The following KCNJ6 variants were observed in gnomAD, a reference collection of about 807,000 sequenced individuals.
KCNJ6 encodes G protein-activated inward rectifier potassium channel 2.
In KCNJ6, 9 loss-of-function variants were observed where a neutral mutation model predicts 34.2. The observed-to-expected ratio is 0.26, with a 90% CI of 0.16 to 0.46. The LOEUF (loss-of-function observed/expected upper bound fraction) is 0.46. Among genes scored for constraint, KCNJ6 ranks in the 20% least tolerant of loss-of-function variants. KCNJ6 has a pLI of 1.00. For synonymous variants in KCNJ6, 196 were observed against 207.1 expected (o/e 0.95, Z 0.46); for missense variants, 236 against 531.3 (o/e 0.44, Z 5.46).
At chr21:37,727,898 C>T (rs190189819) in intron 2 of KCNJ6, among the ~76,000 whole-genome samples, 3 of 152,066 alleles carry the variant, frequency 2.0e-5, no homozygotes, top group African/African-American at 7.2e-5. Context: ...CATCTAGCAA[C>T]AACAACAACA....
At chr21:37,677,755 CACACCAAACCATTTGT>C (rs144128995) in intron 3 of KCNJ6, among the ~76,000 whole-genome samples, 8 of 11,934 alleles carry the variant, frequency 6.7e-4, no homozygotes, top group East Asian at 3.0e-3. Context: ...TACCCACCCA[CACACCAAACCATTTGT>C]CCATCCATCC....
intron 2 of KCNJ6, among the ~76,000 whole-genome samples, chr21:37,747,914 G>A (rs945916943): frequency 1.5e-4 from 23 of 152,206 alleles, no homozygotes; most frequent in African/African-American, 5.3e-4. Flanking sequence ...TGTTCCAGCT[G>A]CATAAGGAAA....
chr21:37,664,112 A>T (rs2054502898), intron 3 of KCNJ6, among the ~76,000 whole-genome samples: 1 of 152,232 alleles, frequency 6.6e-6, no homozygotes, highest in Non-Finnish European at 1.5e-5. Flanking sequence ...AATCTAAATA[A>T]TTTATCAGTT....
At chr21:37,706,953 T>C (rs569874673) in intron 3 of KCNJ6, among the ~76,000 whole-genome samples, 29 of 152,366 alleles carry the variant, frequency 1.9e-4, no homozygotes, top group African/African-American at 6.7e-4. Context: ...CACTGAGCAG[T>C]TGCCTCAGAA....
In KCNJ6 at chr21:37,617,169, T is replaced by TTTCTTTCC. The variant is rs2054274827; in HGVS notation, c.*7989_*7990insGGAAAGAA. 2 of 93,876 alleles carry TTTCTTTCC rather than the reference T, an allele frequency of 2.1e-5. No individual in the cohort carries two copies. The highest frequency in any genetic ancestry group is 4.1e-5 in the Non-Finnish European group (2 of 48,398). The allele number at this position is 93,876 out of a possible 1,614,324, so 5.8% of individuals were successfully genotyped here. Reference sequence around the variant, plus strand: ...CTTCCTTCCTTCTTTCTTTATCTTTTTTCCTTCCTTCCTTCCTTCCTTCCT... The same window carrying TTTCTTTCC: ...CTTCCTTCCTTCTTTCTTTATCTTTTTTCTTTCCTTCCTTCCTTCCTTCCTTCCTTCCT... On this transcript the variant is annotated 3_prime_UTR_variant, in exon 4 of 4. Coordinates refer to ENST00000609713, the MANE Select transcript of KCNJ6 (RefSeq NM_002240.5).
At chr21:37,667,923 T>TG (rs35802658) in intron 3 of KCNJ6, among the ~76,000 whole-genome samples, 152,175 of 152,180 alleles carry the variant, frequency 1, 76,085 homozygotes, top group Middle Eastern at 1. Context: ...CCTGGAGTGG[T>TG]GTCCTCCTCC....
chr21:37,854,176 T>C (rs145885966), intron 1 of KCNJ6, among the ~76,000 whole-genome samples: 96 of 151,714 alleles, frequency 6.3e-4, no homozygotes, highest in Admixed American at 3.5e-3. Context: ...TCCAACTACA[T>C]ATCATTAAAA....
At chr21:37,843,169 C>T (rs932883180) in intron 1 of KCNJ6, among the ~76,000 whole-genome samples, 1 of 152,184 alleles carries the variant, frequency 6.6e-6, no homozygotes, top group Non-Finnish European at 1.5e-5. Flanking sequence ...ACCACTTTAT[C>T]TCTTGTGACC....
intron 2 of KCNJ6, among the ~76,000 whole-genome samples, chr21:37,772,266 A>G (rs2055121115): frequency 6.6e-6 from 1 of 152,170 alleles, no homozygotes; most frequent in Admixed American, 6.5e-5. Context: ...CGCCGAGACA[A>G]TTTATTATTG....
intron 2 of KCNJ6, among the ~76,000 whole-genome samples, chr21:37,731,432 C>T (rs1478788650): frequency 6.6e-6 from 1 of 152,132 alleles, no homozygotes; most frequent in Non-Finnish European, 1.5e-5. Flanking sequence ...AAGGGGAACT[C>T]GCAGCTAGGG....
At position 37,728,609 on chromosome 21, in the gene KCNJ6, T is replaced by C. The variant is rs534596970; in HGVS notation, c.26-13478A>G. Among the ~76,000 whole-genome samples the C allele has an allele frequency of 2.0e-5, 3 of 152,290 alleles. No homozygotes were observed. In the South Asian group the frequency reaches 6.2e-4, roughly 32 times the overall value. On this transcript the variant is annotated intron_variant, in intron 2 of 3. Transcript: ENST00000609713. ...CTCCAGACTGAAAAATGGTGGGATTTTGCCATCATATTGATTCCTGCGATC... is the reference window on the plus strand; with the variant it reads ...CTCCAGACTGAAAAATGGTGGGATTCTGCCATCATATTGATTCCTGCGATC...
intron 2 of KCNJ6, among the ~76,000 whole-genome samples, chr21:37,778,135 A>G (rs1310663833): frequency 1.3e-5 from 2 of 152,216 alleles, no homozygotes; most frequent in Non-Finnish European, 2.9e-5. Flanking sequence ...TTTGATCTAT[A>G]GCAGAGTTTT....
intron 2 of KCNJ6, among the ~76,000 whole-genome samples, chr21:37,785,581 A>G (rs2055189011): frequency 6.6e-6 from 1 of 152,248 alleles, no homozygotes; most frequent in African/African-American, 2.4e-5. Flanking sequence ...TTAGCAAGTA[A>G]TAGTATCCTT....
intron 1 of KCNJ6, among the ~76,000 whole-genome samples, chr21:37,881,470 GGAGAGA>G (rs10550872): frequency 1.3e-4 from 20 of 149,142 alleles, no homozygotes; most frequent in Non-Finnish European, 2.1e-4. Context: ...CTCTCTGCAT[GGAGAGA>G]GAGAGAGAGA....
rs1403665425 is a variant in KCNJ6, at chr21:37,621,726, A to G, written c.*3433T>C. ...GAATTGGAACTGGAGAACCAGGGAA[A>G]CAGCAAAGGATGGGGATAGATGGAA... On this transcript the variant is annotated 3_prime_UTR_variant, in exon 4 of 4. Coordinates refer to ENST00000609713, the MANE Select transcript of KCNJ6 (RefSeq NM_002240.5). 1.3e-5 allele frequency: 2 copies of G among 152,270 alleles called. No homozygotes were observed. Among genetic ancestry groups the G allele is most frequent in the East Asian group, 3.8e-4 (2 of 5,200 alleles). 9.4% of individuals were successfully genotyped at this position (152,270 alleles called of 1,614,324 possible).
intron 2 of KCNJ6, among the ~76,000 whole-genome samples, chr21:37,798,854 A>AC (rs2055255802): frequency 6.6e-6 from 1 of 152,338 alleles, no homozygotes; most frequent in East Asian, 1.9e-4. Context: ...ATCTTTGAAT[A>AC]CACCTAAACC....
chr21:37,876,831 C>T (rs568668913), intron 1 of KCNJ6, among the ~76,000 whole-genome samples: 12 of 152,216 alleles, frequency 7.9e-5, no homozygotes, highest in Middle Eastern at 3.4e-3. Flanking sequence ...AAATCACATA[C>T]TTTGAAGTAG....
chr21:37,641,476 C>G (rs1273073898), intron 3 of KCNJ6, among the ~76,000 whole-genome samples: 1 of 152,032 alleles, frequency 6.6e-6, no homozygotes, highest in Non-Finnish European at 1.5e-5. Flanking sequence ...GGTGGATTAT[C>G]CTATGAGACT....
intron 3 of KCNJ6, among the ~76,000 whole-genome samples, chr21:37,679,026 T>C (rs1414548012): frequency 6.6e-6 from 1 of 152,202 alleles, no homozygotes; most frequent in Admixed American, 6.5e-5. Flanking sequence ...GGTTTTCTCT[T>C]TCTCTCTGGA....
Sources: gnomAD v4.1 joint callset for allele counts (sites outside exome capture counted in the v4.1 genomes callset) on GRCh38, gnomAD v4.1.1 for gene constraint, MANE v1.5 for transcripts, NCBI Gene and HGNC (gene_info 2026-07-23, HGNC 2026-07-21) for gene names.